Variants in RHOT1 observed in about 807,000 individuals in gnomAD.
RHOT1 encodes the protein ras homolog family member T1.
A neutral mutation model predicts 95.3 loss-of-function variants in RHOT1; 27 were observed. That is an observed-to-expected ratio of 0.28 (90% CI 0.21 to 0.39). The LOEUF is 0.39. Ranked by LOEUF, RHOT1 falls within the 10% of genes least tolerant of loss-of-function variation. The pLI is 1.00. For synonymous variants in RHOT1, 227 were observed against 263.5 expected (o/e 0.86, Z 1.34); for missense variants, 578 against 786.7 (o/e 0.73, Z 3.17).
intron 8 of RHOT1, among the ~76,000 whole-genome samples, chr17:32,190,215 G>C (rs1045281143): frequency 1.3e-5 from 2 of 151,940 alleles, no homozygotes; most frequent in East Asian, 1.9e-4. Context: ...CAGCACTTTG[G>C]GGGGCCGAGG....
chr17:32,157,282 T>C (rs1158874326), intron 1 of RHOT1, among the ~76,000 whole-genome samples: 1 of 152,220 alleles, frequency 6.6e-6, no homozygotes, highest in Non-Finnish European at 1.5e-5. Flanking sequence ...CTGCATTTAT[T>C]AAGTGCCATG....
At chr17:32,220,112 G>A (rs2038735224) in intron 19 of RHOT1, among the ~76,000 whole-genome samples, 1 of 152,202 alleles carries the variant, frequency 6.6e-6, no homozygotes, top group Non-Finnish European at 1.5e-5. Flanking sequence ...GGGCATGGTG[G>A]CTTATGCCTG....
chr17:32,178,207 C>A (rs953626365), intron 6 of RHOT1, among the ~76,000 whole-genome samples: 1 of 149,682 alleles, frequency 6.7e-6, no homozygotes, highest in African/African-American at 2.4e-5. Context: ...ATGCCCTCCC[C>A]CCCCCCAGTG....
intron 14 of RHOT1, among the ~76,000 whole-genome samples, chr17:32,202,308 C>T (rs1011307476): frequency 7.2e-5 from 11 of 152,130 alleles, no homozygotes; most frequent in Admixed American, 6.5e-4. Flanking sequence ...TTTGAAAGGA[C>T]GGCTAACCCC....
intron 1 of RHOT1, among the ~76,000 whole-genome samples, chr17:32,160,690 G>T (rs962043825): frequency 1.3e-5 from 2 of 152,186 alleles, no homozygotes; most frequent in African/African-American, 2.4e-5. Flanking sequence ...TTGCAGCCTC[G>T]CAGGGAGATG....
intron 1 of RHOT1, among the ~76,000 whole-genome samples, chr17:32,163,590 C>A (rs754645763): frequency 2.6e-5 from 4 of 151,548 alleles, no homozygotes; most frequent in Admixed American, 1.3e-4. Flanking sequence ...AATTAGCCAG[C>A]GTGATGGTGC....
intron 8 of RHOT1, among the ~76,000 whole-genome samples, chr17:32,190,275 G>A (rs1478860913): frequency 1.3e-5 from 2 of 152,036 alleles, no homozygotes; most frequent in African/African-American, 4.8e-5. Flanking sequence ...CTAACATGGT[G>A]AAACCCCGTC....
At position 32,142,690 on chromosome 17, in the gene RHOT1, G is replaced by T. The variant is rs1365680015; in HGVS notation, c.-3G>T. Reference sequence around the variant, plus strand: ...CGGAGGCCGGCCCCCGAGAGCCGCCGACATGAAGAAAGACGTGCGGATCCT... The same window carrying T: ...CGGAGGCCGGCCCCCGAGAGCCGCCTACATGAAGAAAGACGTGCGGATCCT... On this transcript the variant is annotated 5_prime_UTR_variant, in exon 1 of 20. Coordinates refer to ENST00000545287, the MANE Select transcript of RHOT1 (RefSeq NM_001033566.3). 7 of 1,531,358 alleles carry T rather than the reference G, an allele frequency of 4.6e-6. No homozygotes were observed. The highest frequency in any genetic ancestry group is 6.1e-6 in the Non-Finnish European group (7 of 1,140,094). The allele number at this position is 1,531,358 out of a possible 1,614,324, so 94.9% of individuals were successfully genotyped here. A position where few individuals can be genotyped will look rare whatever the true frequency, so the allele number is the denominator to read the frequency against.
chr17:32,172,432 T>C (rs1567675132), intron 2 of RHOT1, among the ~76,000 whole-genome samples: 1 of 152,264 alleles, frequency 6.6e-6, no homozygotes, highest in Non-Finnish European at 1.5e-5. Context: ...TTTGTGTTTT[T>C]GGTTTTTTAA....
chr17:32,163,428 A>G (rs752800532), intron 1 of RHOT1, among the ~76,000 whole-genome samples: 16 of 152,238 alleles, frequency 1.1e-4, no homozygotes, highest in Non-Finnish European at 2.1e-4. Flanking sequence ...TTATCCAGAT[A>G]TGTAAAAAGA....
intron 19 of RHOT1, among the ~76,000 whole-genome samples, chr17:32,215,699 A>G (rs2038429466): frequency 1.3e-5 from 2 of 152,120 alleles, no homozygotes; most frequent in Admixed American, 1.3e-4. Context: ...GAACTTATTT[A>G]CTAACACGAT....
At chr17:32,205,165 C>T (rs1385800898) in intron 16 of RHOT1, among the ~76,000 whole-genome samples, 1 of 151,962 alleles carries the variant, frequency 6.6e-6, no homozygotes, top group African/African-American at 2.4e-5. Context: ...TCTCCCTCCC[C>T]TTGCCCCTCA....
intron 1 of RHOT1, among the ~76,000 whole-genome samples, chr17:32,158,335 AGTTT>A (rs2033174185): frequency 6.6e-6 from 1 of 152,290 alleles, no homozygotes; most frequent in African/African-American, 2.4e-5. Flanking sequence ...TGTTTTCCCT[AGTTT>A]GTTATAGGCA....
At chr17:32,171,150 CAAATT>C in intron 2 of RHOT1, 49 bp downstream of exon 2, 2 of 1,264,058 alleles carry the variant, frequency 1.6e-6, no homozygotes, top group East Asian at 2.5e-5. Context: ...TTATCAAAAT[CAAATT>C]AAAATGAACT....
At chr17:32,169,028 C>G (rs1432828165) in intron 1 of RHOT1, among the ~76,000 whole-genome samples, 2 of 152,124 alleles carry the variant, frequency 1.3e-5, no homozygotes, top group Non-Finnish European at 2.9e-5. Context: ...ATTGAAAAGG[C>G]CTGTAGAAAT....
rs115037203 is a variant in RHOT1 at position 32,216,262 on chromosome 17, C to T, written c.1862+5024C>T. 4.3e-3 allele frequency among the ~76,000 whole-genome samples: 656 copies of T among 151,468 alleles called. 4 individuals carry two copies. The highest frequency in any genetic ancestry group is 0.015 in the African/African-American group (617 of 41,298). ...TGTGTAACTTAGTCATTTTTTGATACTCTCAATCTCCTTCCCAGCTAGGTT... is the reference window on the plus strand; with the variant it reads ...TGTGTAACTTAGTCATTTTTTGATATTCTCAATCTCCTTCCCAGCTAGGTT... On this transcript the variant is annotated intron_variant, in intron 19 of 19. Transcript: ENST00000545287.
intron 11 of RHOT1, among the ~76,000 whole-genome samples, chr17:32,196,484 A>C (rs2036900989): frequency 6.6e-6 from 1 of 152,020 alleles, no homozygotes; most frequent in Non-Finnish European, 1.5e-5. Flanking sequence ...TAGCCACCAC[A>C]CCTGGTCTAA....
intron 6 of RHOT1, among the ~76,000 whole-genome samples, chr17:32,181,269 A>G (rs1470966586): frequency 6.6e-6 from 1 of 152,234 alleles, no homozygotes; most frequent in African/African-American, 2.4e-5. Context: ...CTTGTCTAAA[A>G]GAAAATCTTT....
At chr17:32,149,673 G>GCATA (rs201621917) in intron 1 of RHOT1, among the ~76,000 whole-genome samples, 3,545 of 95,566 alleles carry the variant, frequency 0.037, 216 homozygotes, top group African/African-American at 0.12. Flanking sequence ...ATACACACAT[G>GCATA]CATACATACA....
Sources: gnomAD v4.1 joint callset for allele counts (sites outside exome capture counted in the v4.1 genomes callset) on GRCh38, gnomAD v4.1.1 for gene constraint, MANE v1.5 for transcripts, NCBI Gene and HGNC (gene_info 2026-07-23, HGNC 2026-07-21) for gene names.